Variants in CPED1 observed in about 807,000 individuals in gnomAD.
CPED1 encodes the protein cadherin-like and PC-esterase domain-containing protein 1.
In CPED1, 114 loss-of-function variants were observed where a neutral mutation model predicts 128.2. The observed-to-expected ratio is 0.89, with a 90% confidence interval of 0.76 to 1.04. The LOEUF is 1.04. Among genes scored for constraint, CPED1 ranks in the 50% least tolerant of loss-of-function variants. CPED1 has a pLI of 0.00. For missense variants in CPED1, 1,211 were observed against 1,207.1 expected, an observed-to-expected ratio of 1.00 and a Z score of -0.05; for synonymous variants, 462 against 426.7, an observed-to-expected ratio of 1.08 and a Z score of -1.02.
chr7:121,144,037 A>G (rs1795965492), intron 16 of CPED1, among the ~76,000 whole-genome samples: 1 of 152,098 alleles, frequency 6.6e-6, no homozygotes, highest in Admixed American at 6.6e-5. Flanking sequence ...GACATCAATA[A>G]TGAATGCTAG....
At chr7:121,262,294 T>C (rs1240664966) in intron 18 of CPED1, among the ~76,000 whole-genome samples, 1 of 152,050 alleles carries the variant, frequency 6.6e-6, no homozygotes, top group Admixed American at 6.6e-5. Context: ...CTTCATAAAT[T>C]ACCCAGGCTC....
intron 16 of CPED1, among the ~76,000 whole-genome samples, chr7:121,175,124 C>T (rs112177840): frequency 3.9e-4 from 60 of 152,148 alleles, no homozygotes; most frequent in African/African-American, 1.3e-3. Flanking sequence ...TTTTGGGCTA[C>T]GACCGTGGGG....
chr7:121,005,579 G>A (rs1791990803), intron 2 of CPED1, among the ~76,000 whole-genome samples: 1 of 151,958 alleles, frequency 6.6e-6, no homozygotes, highest in Non-Finnish European at 1.5e-5. Context: ...AGCAAACCAC[G>A]ATGGTACATG....
At chr7:121,068,907 C>T (rs912414187) in intron 5 of CPED1, among the ~76,000 whole-genome samples, 1 of 152,084 alleles carries the variant, frequency 6.6e-6, no homozygotes, top group African/African-American at 2.4e-5. Flanking sequence ...CATGATTTGG[C>T]TCTCTGTTTG....
intron 11 of CPED1, 78 bp from the exon 12 acceptor site, chr7:121,130,047 C>G: frequency 2.7e-6 from 3 of 1,093,048 alleles, no homozygotes; most frequent in Non-Finnish European, 4.0e-6. Context: ...AAATAAATGA[C>G]TAAGTATAAG....
intron 5 of CPED1, among the ~76,000 whole-genome samples, chr7:121,083,302 G>A (rs1045542215): frequency 6.6e-6 from 1 of 152,130 alleles, no homozygotes; most frequent in Admixed American, 6.5e-5. Context: ...GCCACCACCA[G>A]CATTAGCTCT....
chr7:121,049,074 C>T (rs1417915889), intron 4 of CPED1, among the ~76,000 whole-genome samples: 3 of 152,126 alleles, frequency 2.0e-5, no homozygotes, highest in Non-Finnish European at 4.4e-5. Flanking sequence ...TTCTCATCAA[C>T]CCTAGAATAA....
intron 22 of CPED1, among the ~76,000 whole-genome samples, chr7:121,292,519 A>G (rs1416909287): frequency 6.6e-6 from 1 of 151,900 alleles, no homozygotes; most frequent in Non-Finnish European, 1.5e-5. Context: ...TACTTCTGTC[A>G]ATTTGTCAAA....
chr7:121,008,503 T>C (rs964896718), intron 2 of CPED1, among the ~76,000 whole-genome samples: 18 of 152,222 alleles, frequency 1.2e-4, no homozygotes, highest in Admixed American at 2.0e-4. Flanking sequence ...GATAGGAAGA[T>C]AAATTACTGA....
rs139026977 is a variant in CPED1, at chr7:121,233,877, A to G, written c.2056-2837A>G. ...AGTGTAGAGGTAGCTCCACAGCATC[A>G]CCAATACCCTAGGCTCATTCTATTT... On this transcript the variant is annotated intron_variant, in intron 16 of 22. Coordinates refer to ENST00000310396, the MANE Select transcript of CPED1 (RefSeq NM_024913.5). Among the ~76,000 whole-genome samples the G allele has an allele frequency of 2.2e-3, 331 of 152,150 alleles. 2 individuals carry two copies. The highest frequency in any genetic ancestry group is 7.0e-3 in the African/African-American group (292 of 41,536).
At chr7:121,221,292 C>T (rs1370518955) in intron 16 of CPED1, among the ~76,000 whole-genome samples, 1 of 152,158 alleles carries the variant, frequency 6.6e-6, no homozygotes, top group Admixed American at 6.6e-5. Flanking sequence ...AGGACATGAA[C>T]TAAACCTTTT....
At position 121,198,089 on chromosome 7, in the gene CPED1, T is replaced by C. The variant is rs2116552528; in HGVS notation, c.2056-38625T>C. Among the ~76,000 whole-genome samples the C allele has an allele frequency of 1.3e-5, 2 of 152,208 alleles. 1 individual carries two copies. On this transcript the variant is annotated intron_variant, in intron 16 of 22. Transcript: ENST00000310396. Reference sequence around the variant, plus strand: ...AAAGACTGATGTGTTTAGAACAAGATTACAATAAAAAGTCAGAAAATAGTG... The same window carrying C: ...AAAGACTGATGTGTTTAGAACAAGACTACAATAAAAAGTCAGAAAATAGTG...
At position 121,002,746 on chromosome 7, in the gene CPED1, T is replaced by A. The variant is rs563466043; in HGVS notation, c.249+12876T>A. ...TTTGCCTGAGAGCAGATAAACTGTA[T>A]TTGCGGAAATATATTCTGTCAGACA... is the stretch of plus-strand genomic sequence containing the variant. On this transcript the variant is annotated intron_variant, in intron 2 of 22. Transcript: ENST00000310396. Among the ~76,000 whole-genome samples, 3 of 152,294 alleles carry A rather than the reference T, an allele frequency of 2.0e-5. No homozygotes were observed. The East Asian group carries it at 5.8e-4, about 29-fold the overall frequency.
intron 22 of CPED1, among the ~76,000 whole-genome samples, chr7:121,274,402 G>A (rs1470941798): frequency 6.6e-6 from 1 of 151,840 alleles, no homozygotes; most frequent in Non-Finnish European, 1.5e-5. Context: ...TTTTTGGTGT[G>A]TAATTATCAC....
chr7:121,040,837 C>T (rs112536237), intron 3 of CPED1, among the ~76,000 whole-genome samples: 197 of 152,080 alleles, frequency 1.3e-3, no homozygotes, highest in Admixed American at 3.3e-3. Flanking sequence ...AGTTTAATAT[C>T]GTGAATAAGT....
chr7:121,202,593 C>T (rs1378087077), intron 16 of CPED1, among the ~76,000 whole-genome samples: 2 of 152,094 alleles, frequency 1.3e-5, no homozygotes, highest in African/African-American at 4.8e-5. Flanking sequence ...TTTAAAAACA[C>T]ATTCTGACTT....
intron 2 of CPED1, among the ~76,000 whole-genome samples, chr7:120,991,311 C>T (rs1450002298): frequency 2.6e-5 from 4 of 152,150 alleles, no homozygotes; most frequent in Non-Finnish European, 5.9e-5. Context: ...AATTGTACAT[C>T]TATTTTTAGG....
chr7:121,197,679 T>G (rs572820216), intron 16 of CPED1, among the ~76,000 whole-genome samples: 1 of 152,120 alleles, frequency 6.6e-6, no homozygotes, highest in South Asian at 2.1e-4. Context: ...TTAATAGAGG[T>G]AACAGTAGAA....
rs115174869 is a variant in CPED1 at position 121,006,533 on chromosome 7, G to A, written c.250-9132G>A. Among the ~76,000 whole-genome samples, 1,103 of 151,960 alleles carry A rather than the reference G, an allele frequency of 7.3e-3. 21 individuals are homozygous for A. The highest frequency in any genetic ancestry group is 0.025 in the African/African-American group (1,045 of 41,416). Reference sequence around the variant, plus strand: ...CTAAGGAAGAGGAAAGCAGAGGGAAGGAGAAGAGACTAAAGAGGGACACAC... The same window carrying A: ...CTAAGGAAGAGGAAAGCAGAGGGAAAGAGAAGAGACTAAAGAGGGACACAC... On this transcript the variant is annotated intron_variant, in intron 2 of 22. Transcript: ENST00000310396.
Sources: allele counts gnomAD v4.1 joint callset (sites outside exome capture counted in the v4.1 genomes callset), GRCh38; gene constraint gnomAD v4.1.1; transcripts MANE v1.5; gene names NCBI Gene and HGNC (gene_info 2026-07-23, HGNC 2026-07-21).